The following ZNF490 variants were observed in gnomAD, a reference collection of about 807,000 sequenced individuals.
ZNF490 encodes the protein zinc finger protein 490.
ZNF490 carries 11 observed loss-of-function variants against 17.7 expected under a neutral mutation model. That is an observed-to-expected ratio of 0.62 (90% CI 0.39 to 1.03). The LOEUF (loss-of-function observed/expected upper bound fraction) is 1.03, where lower values mean the gene tolerates loss of function less well. ZNF490 is among the 50% of genes least tolerant of loss of function. The probability of loss-of-function intolerance (pLI) is 0.00; values close to 1 mark genes in which losing one functional copy is unlikely to be tolerated. For synonymous variants in ZNF490, 222 were observed against 216.1 expected, an observed-to-expected ratio of 1.03 and a Z score of -0.24; for missense variants, 542 against 643.4, an observed-to-expected ratio of 0.84 and a Z score of 1.71.
At chr19:12,583,042 C>T in intron 3 of ZNF490, 132 bp from the exon 4 acceptor site, 1 of 795,818 alleles carries the variant, frequency 1.3e-6, no homozygotes. Context: ...ATTCTCTTCC[C>T]ACATTTTTTT....
rs574255863 is a variant in ZNF490 at position 12,588,121 on chromosome 19, C to A, written c.163-4565G>T. ...CTGACCTCAGGCGATCCGCCTGCCTCCCAAAGTGCTGAGATTACAAGCGTG... is the reference window on the plus strand; with the variant it reads ...CTGACCTCAGGCGATCCGCCTGCCTACCAAAGTGCTGAGATTACAAGCGTG... On this transcript the variant is annotated intron_variant, in intron 2 of 4. Coordinates refer to ENST00000311437, the MANE Select transcript of ZNF490 (RefSeq NM_020714.3). Among the ~76,000 whole-genome samples, 18 of 145,480 alleles carry A rather than the reference C, an allele frequency of 1.2e-4. 5 individuals are homozygous for A. The highest frequency in any genetic ancestry group is 4.5e-4 in the African/African-American group (18 of 39,870).
rs1290388322 is a variant in ZNF490, at chr19:12,587,979, T to C, written c.163-4423A>G. 7.4e-5 allele frequency among the ~76,000 whole-genome samples: 7 copies of C among 94,160 alleles called. 3 individuals carry two copies. Among genetic ancestry groups the C allele is most frequent in the Middle Eastern group, 0.012 (2 of 166 alleles). 61.8% of individuals were successfully genotyped at this position (94,160 alleles called of 152,430 possible). Reference sequence around the variant, plus strand: ...CCGCCTCCCAGGTTCAAGCGATTCTTCTGCCTCAGCCTCCTGAGTAGCTGG... The same window carrying C: ...CCGCCTCCCAGGTTCAAGCGATTCTCCTGCCTCAGCCTCCTGAGTAGCTGG... On this transcript the variant is annotated intron_variant, in intron 2 of 4. Coordinates refer to ENST00000311437, the MANE Select transcript of ZNF490 (RefSeq NM_020714.3).
At chr19:12,599,283 T>C (rs2022974674) in intron 2 of ZNF490, among the ~76,000 whole-genome samples, 1 of 152,088 alleles carries the variant, frequency 6.6e-6, no homozygotes, top group Non-Finnish European at 1.5e-5. Flanking sequence ...GTATGATAGA[T>C]TCTTGTCCTA....
chr19:12,595,193 G>A (rs560223794), intron 2 of ZNF490, among the ~76,000 whole-genome samples: 1 of 151,996 alleles, frequency 6.6e-6, no homozygotes, highest in South Asian at 2.1e-4. Context: ...CCCTGCTGGA[G>A]TGCAAGGGTG....
chr19:12,609,761 A>G (rs1215758760), intron 1 of ZNF490: 5 of 302,250 alleles, frequency 1.7e-5, no homozygotes, highest in African/African-American at 6.8e-5. Context: ...CTTCTTACAT[A>G]TAAGTGGGAG....
intron 2 of ZNF490, among the ~76,000 whole-genome samples, chr19:12,595,403 A>G (rs1006244505): frequency 1.8e-4 from 28 of 152,038 alleles, no homozygotes; most frequent in African/African-American, 6.0e-4. Flanking sequence ...GTGGGCCACC[A>G]TGTCCAGCCT....
chr19:12,597,704 G>C (rs1030050088), intron 2 of ZNF490, among the ~76,000 whole-genome samples: 1 of 152,100 alleles, frequency 6.6e-6, no homozygotes, highest in African/African-American at 2.4e-5. Context: ...TTCTGTATTT[G>C]TCCTTTTCCG....
At chr19:12,586,935 C>T (rs1568279180) in intron 2 of ZNF490, among the ~76,000 whole-genome samples, 1 of 91,492 alleles carries the variant, frequency 1.1e-5, no homozygotes, top group Non-Finnish European at 2.9e-5. Context: ...TCAGGTGCAG[C>T]GGCACATGCC....
intron 2 of ZNF490, among the ~76,000 whole-genome samples, chr19:12,594,775 T>G (rs945061366): frequency 6.6e-6 from 1 of 152,002 alleles, no homozygotes; most frequent in Non-Finnish European, 1.5e-5. Flanking sequence ...GGCGACAGAG[T>G]GAGAGTCTGT....
chr19:12,581,657 T>C lies in ZNF490; in HGVS notation c.418A>G (p.Ile140Val). The part of the protein sequence containing the change: ...DCPCGKSTSQ[I>V]PDLNTNLETP... ...TCCAGGTTCGTATTAAGATCAGGAATCTGGCTAGTGCTTTTTCCACATGGA... is the reference window on the plus strand; with the variant it reads ...TCCAGGTTCGTATTAAGATCAGGAACCTGGCTAGTGCTTTTTCCACATGGA... The change falls in exon 5 of 5, where the codon ATT (isoleucine) becomes GTT (valine). Residue 140 changes from isoleucine to valine, a missense_variant. Ile to Val is a conservative substitution (Grantham distance 29). Transcript: ENST00000311437. 1.2e-6 allele frequency: 2 copies of C among 1,614,176 alleles called. No individual in the cohort carries two copies. Among genetic ancestry groups the C allele is most frequent in the East Asian group, 2.2e-5 (1 of 44,880 alleles).
intron 1 of ZNF490, chr19:12,609,805 G>A: frequency 2.6e-6 from 1 of 384,424 alleles, no homozygotes; most frequent in Non-Finnish European, 5.0e-6. Flanking sequence ...ATACAGAATG[G>A]AATAATAGAC....
In ZNF490 at chr19:12,609,022, T is replaced by G. The variant is rs1340868165; in HGVS notation, c.162+136A>C. ...GAACAGGACATACCTGAGAGCCTGG[T>G]TATTGGCCTTGACTATGGGAGTGCC... is the stretch of plus-strand genomic sequence containing the variant. On this transcript the variant is annotated intron_variant, in intron 2 of 4. Transcript: ENST00000311437. 6 of 723,030 alleles carry G rather than the reference T, an allele frequency of 8.3e-6. No homozygotes were observed. In the Middle Eastern group the frequency reaches 1.0e-3, roughly 125 times the overall value. 44.8% of individuals were successfully genotyped at this position (723,030 alleles called of 1,614,324 possible). A position where few individuals can be genotyped will look rare whatever the true frequency, so the allele number is the denominator to read the frequency against.
At chr19:12,583,340 C>T in intron 3 of ZNF490, 90 bp downstream of exon 3, 1 of 1,441,614 alleles carries the variant, frequency 6.9e-7, no homozygotes, top group Non-Finnish European at 9.3e-7. Context: ...TGCCTGGCCC[C>T]TTCCCCCATT....
chr19:12,599,797 GATAAA>G (rs1485799564), intron 2 of ZNF490, among the ~76,000 whole-genome samples: 1 of 152,120 alleles, frequency 6.6e-6, no homozygotes, highest in African/African-American at 2.4e-5. Context: ...GATTAAATTA[GATAAA>G]ATAAAGCTGA....
intron 2 of ZNF490, among the ~76,000 whole-genome samples, chr19:12,606,192 T>A (rs1428527675): frequency 2.0e-5 from 3 of 151,598 alleles, no homozygotes; most frequent in Non-Finnish European, 2.9e-5. Context: ...AAATAGGATT[T>A]TTTTTTTTTT....
intron 2 of ZNF490, chr19:12,597,392 T>G: frequency 3.3e-6 from 1 of 304,204 alleles, no homozygotes; most frequent in South Asian, 2.8e-5. Context: ...GTGACAGCCA[T>G]GCAGGAGGGC....
intron 2 of ZNF490, among the ~76,000 whole-genome samples, chr19:12,596,138 G>A (rs1053958423): frequency 6.6e-5 from 10 of 151,196 alleles, no homozygotes; most frequent in East Asian, 1.9e-4. Context: ...GGTGGCACAC[G>A]CCTGTAATAC....
At chr19:12,597,049 A>G (rs1374276903) in intron 2 of ZNF490, 1 of 451,032 alleles carries the variant, frequency 2.2e-6, no homozygotes, top group Non-Finnish European at 4.5e-6. Context: ...CTGCTGGGAG[A>G]CCCTCGGGTC....
At chr19:12,581,821 A>G in intron 4 of ZNF490, 97 bp from the exon 5 acceptor site, 1 of 1,155,308 alleles carries the variant, frequency 8.7e-7, no homozygotes, top group Non-Finnish European at 1.2e-6. Flanking sequence ...TTTTCACAGA[A>G]ACTGTATGTT....
Sources: allele counts gnomAD v4.1 joint callset (sites outside exome capture counted in the v4.1 genomes callset), GRCh38; gene constraint gnomAD v4.1.1; transcripts MANE v1.5; gene names NCBI Gene and HGNC (gene_info 2026-07-23, HGNC 2026-07-21).